FFAR4: variants seen among roughly 807,000 people sequenced by gnomAD.
FFAR4 encodes the protein free fatty acid receptor 4, also known as G-protein coupled receptor 120.
FFAR4 carries 19 observed loss-of-function variants against 27.0 expected under a neutral mutation model. That is an observed-to-expected ratio of 0.70 (90% CI 0.49 to 1.03). The LOEUF (loss-of-function observed/expected upper bound fraction) is 1.03. Among genes scored for constraint, FFAR4 ranks in the 50% least tolerant of loss-of-function variants. FFAR4 has a pLI of 0.00. For missense variants in FFAR4, 476 were observed against 479.0 expected (o/e 0.99, Z 0.06); for synonymous variants, 254 against 215.6 (o/e 1.18, Z -1.56).
In FFAR4 at chr10:93,589,972, G is replaced by A. The variant is rs1443236242; in HGVS notation, c.*2363G>A. On this transcript the variant is annotated 3_prime_UTR_variant, in exon 3 of 3. Coordinates refer to ENST00000371481, the MANE Select transcript of FFAR4 (RefSeq NM_001195755.2). ...GTTTCTGGAGCAGCTTGCTTCTGAA[G>A]TCAGATTCATGGATATCACAAGCTC... is the stretch of plus-strand genomic sequence containing the variant. 1 of 152,218 alleles carries A rather than the reference G, an allele frequency of 6.6e-6. No individual in the cohort carries two copies. Among genetic ancestry groups the A allele is most frequent in the Non-Finnish European group, 1.5e-5 (1 of 68,050 alleles). The allele number at this position is 152,218 out of a possible 1,614,324, so 9.4% of individuals were successfully genotyped here. A position where few individuals can be genotyped will look rare whatever the true frequency, so the allele number is the denominator to read the frequency against.
Position 93,588,406 on chromosome 10 carries a change from T to C in FFAR4, c.*797T>C, listed in dbSNP as rs568017621. ...TTAAAGATGACTTACTTTTTTTTTT[T>C]TTTCATTTATAAAAATGCTATGGAC... is the stretch of plus-strand genomic sequence containing the variant. On this transcript the variant is annotated 3_prime_UTR_variant, in exon 3 of 3. Coordinates refer to ENST00000371481, the MANE Select transcript of FFAR4 (RefSeq NM_001195755.2). 6.6e-6 allele frequency: 1 copy of C among 152,214 alleles called. No homozygotes were observed. Among genetic ancestry groups the C allele is most frequent in the South Asian group, 2.1e-4 (1 of 4,822 alleles). The allele number at this position is 152,214 out of a possible 1,614,324, so 9.4% of individuals were successfully genotyped here. A position where few individuals can be genotyped will look rare whatever the true frequency, so the allele number is the denominator to read the frequency against.
intron 2 of FFAR4, among the ~76,000 whole-genome samples, chr10:93,583,680 C>T (rs1405592018): frequency 1.3e-5 from 2 of 152,176 alleles, no homozygotes; most frequent in African/African-American, 2.4e-5. Context: ...CAGTCCACCT[C>T]GGCAGCTTCT....
chr10:93,573,632 G>T (rs1398651984), intron 1 of FFAR4, among the ~76,000 whole-genome samples: 2 of 152,162 alleles, frequency 1.3e-5, no homozygotes, highest in African/African-American at 2.4e-5. Flanking sequence ...CTTCTAAAGA[G>T]CATGTCAATC....
intron 2 of FFAR4, among the ~76,000 whole-genome samples, chr10:93,581,206 A>T (rs1333255596): frequency 6.6e-6 from 1 of 152,204 alleles, no homozygotes; most frequent in East Asian, 1.9e-4. Flanking sequence ...TGGCTTGCAG[A>T]TGGAAAACCC....
At chr10:93,574,472 G>C (rs978606751) in intron 1 of FFAR4, among the ~76,000 whole-genome samples, 1 of 152,172 alleles carries the variant, frequency 6.6e-6, no homozygotes, top group Admixed American at 6.5e-5. Context: ...CATATGTATT[G>C]CTACTGCTGT....
rs748031934 is a variant in FFAR4 at position 93,587,422 on chromosome 10, C to T, written c.899C>T (p.Pro300Leu). ...TTCAAGCAAGACCTGGTCATCTGGC[C>T]GTCCCTCTTCTTCTGGGTGGTGGCC... ...QNFKQDLVIW[P>L]SLFFWVVAFT... The change falls in exon 3 of 3, where the codon CCG (proline) becomes CTG (leucine). Residue 300 changes from proline to leucine, a missense_variant. Physicochemically the swap from Pro to Leu is moderately conservative, Grantham distance 98. Coordinates refer to ENST00000371481, the MANE Select transcript of FFAR4 (RefSeq NM_001195755.2). The T allele has an allele frequency of 5.0e-6, 8 of 1,614,038 alleles. No homozygotes were observed. Among genetic ancestry groups the T allele is most frequent in the Middle Eastern group, 1.6e-4 (1 of 6,062 alleles).
intron 1 of FFAR4, among the ~76,000 whole-genome samples, chr10:93,571,789 C>T (rs2058133355): frequency 6.6e-6 from 1 of 152,142 alleles, no homozygotes; most frequent in Non-Finnish European, 1.5e-5. Flanking sequence ...AACTAGGACT[C>T]CTAGGTTCTT....
At chr10:93,579,068 T>TCCCA in intron 2 of FFAR4, 1 of 1,149,622 alleles carries the variant, frequency 8.7e-7, no homozygotes, top group Non-Finnish European at 1.3e-6. Flanking sequence ...GGGGCAGCTG[T>TCCCA]CCTTTTAGCC....
At chr10:93,580,718 T>C (rs563630824) in intron 2 of FFAR4, among the ~76,000 whole-genome samples, 8 of 152,344 alleles carry the variant, frequency 5.3e-5, no homozygotes, top group African/African-American at 1.9e-4. Context: ...CCCTCCTTCC[T>C]GGTTCTGACC....
intron 1 of FFAR4, among the ~76,000 whole-genome samples, chr10:93,567,998 G>A (rs765596668): frequency 6.6e-6 from 1 of 152,112 alleles, no homozygotes; most frequent in Non-Finnish European, 1.5e-5. Context: ...CTGGACCGAC[G>A]AGCTCTGTTT....
Position 93,589,060 on chromosome 10 carries a change from A to G in FFAR4, c.*1451A>G, listed in dbSNP as rs957785812. On this transcript the variant is annotated 3_prime_UTR_variant, in exon 3 of 3. Coordinates refer to ENST00000371481, the MANE Select transcript of FFAR4 (RefSeq NM_001195755.2). ...GGGACACAGAAGAGATGTTAGTGCA[A>G]GGAGGCTGACACGCTTGAAGGGAGA... is the stretch of plus-strand genomic sequence containing the variant. 6.6e-6 allele frequency: 1 copy of G among 152,298 alleles called. No homozygotes were observed. Among genetic ancestry groups the G allele is most frequent in the African/African-American group, 2.4e-5 (1 of 41,472 alleles). 9.4% of individuals were successfully genotyped at this position (152,298 alleles called of 1,614,324 possible). A position where few individuals can be genotyped will look rare whatever the true frequency, so the allele number is the denominator to read the frequency against.
intron 1 of FFAR4, among the ~76,000 whole-genome samples, chr10:93,574,433 C>T (rs902612333): frequency 2.0e-5 from 3 of 152,186 alleles, no homozygotes; most frequent in Non-Finnish European, 4.4e-5. Flanking sequence ...GAATCCATTT[C>T]TTCCGATTGA....
intron 2 of FFAR4, 108 bp downstream of exon 2, chr10:93,576,327 C>T: frequency 8.8e-7 from 1 of 1,139,142 alleles, no homozygotes. Context: ...CACGCCAGCT[C>T]AATCTTGATT....
chr10:93,582,411 G>A (rs758310012), intron 2 of FFAR4, among the ~76,000 whole-genome samples: 7 of 151,986 alleles, frequency 4.6e-5, no homozygotes, highest in Non-Finnish European at 1.0e-4. Context: ...AGGTGTAGTG[G>A]TGCATGCCTG....
chr10:93,588,576 G>A lies in FFAR4; in HGVS notation c.*967G>A, dbSNP rs368052113. On this transcript the variant is annotated 3_prime_UTR_variant, in exon 3 of 3. Transcript: ENST00000371481. ...CCAGCCATGGCAGACAGTGTCCTTTGTGCTAGGAATACAGTGGTGAACCAG... is the reference window on the plus strand; with the variant it reads ...CCAGCCATGGCAGACAGTGTCCTTTATGCTAGGAATACAGTGGTGAACCAG... 3.9e-5 allele frequency: 6 copies of A among 152,154 alleles called. No individual in the cohort carries two copies. The highest frequency in any genetic ancestry group is 1.4e-4 in the African/African-American group (6 of 41,410). The allele number at this position is 152,154 out of a possible 1,614,324, so 9.4% of individuals were successfully genotyped here.
chr10:93,576,624 G>T (rs1350797073), intron 2 of FFAR4, among the ~76,000 whole-genome samples: 1 of 152,066 alleles, frequency 6.6e-6, no homozygotes, highest in Non-Finnish European at 1.5e-5. Context: ...GGTTAAAATG[G>T]TCAAATGGTT....
At position 93,588,701 on chromosome 10, in the gene FFAR4, T is replaced by C. The variant is rs1269521062; in HGVS notation, c.*1092T>C. On this transcript the variant is annotated 3_prime_UTR_variant, in exon 3 of 3. Transcript: ENST00000371481. Reference sequence around the variant, plus strand: ...TATCTATATACAGATACCTATATATTTGAGATGAGGGTCTTGCTCCAATGC... The same window carrying C: ...TATCTATATACAGATACCTATATATCTGAGATGAGGGTCTTGCTCCAATGC... 2.0e-5 allele frequency: 3 copies of C among 152,186 alleles called. No homozygotes were observed. Among genetic ancestry groups the C allele is most frequent in the East Asian group, 1.9e-4 (1 of 5,200 alleles). 9.4% of individuals were successfully genotyped at this position (152,186 alleles called of 1,614,324 possible).
chr10:93,579,741 A>G (rs7068156), intron 2 of FFAR4, among the ~76,000 whole-genome samples: 5,984 of 152,264 alleles, frequency 0.039, 371 homozygotes, highest in African/African-American at 0.13. Flanking sequence ...CTTGGATCAC[A>G]TTGAAAGGGG....
chr10:93,578,356 G>A (rs1368944570), intron 2 of FFAR4, among the ~76,000 whole-genome samples: 1 of 141,828 alleles, frequency 7.1e-6, no homozygotes, highest in Non-Finnish European at 1.5e-5. Flanking sequence ...AGAGGAGGTT[G>A]CAGTAAGCCG....
Sources: gnomAD v4.1 joint callset for allele counts (sites outside exome capture counted in the v4.1 genomes callset) on GRCh38, gnomAD v4.1.1 for gene constraint, MANE v1.5 for transcripts, NCBI Gene and HGNC (gene_info 2026-07-23, HGNC 2026-07-21) for gene names.